Variants in ATP9A observed in about 807,000 individuals in gnomAD.
The protein encoded by ATP9A is ATPase phospholipid transporting 9A, also known as probable phospholipid-transporting ATPase IIA.
Under a neutral mutation model 144.1 loss-of-function variants are expected in ATP9A, and 52 were observed. That is an observed-to-expected ratio of 0.36 (90% CI 0.29 to 0.45). The LOEUF is 0.45. Among genes scored for constraint, ATP9A ranks in the 20% least tolerant of loss-of-function variants. The pLI, the probability that ATP9A is intolerant of heterozygous loss-of-function variation, is 1.00. For missense variants in ATP9A, 947 were observed against 1,392.7 expected, an observed-to-expected ratio of 0.68 and a Z score of 5.09; for synonymous variants, 582 against 557.4, an observed-to-expected ratio of 1.04 and a Z score of -0.62.
At chr20:51,685,127 C>T (rs1192211708) in intron 9 of ATP9A, among the ~76,000 whole-genome samples, 3 of 152,066 alleles carry the variant, frequency 2.0e-5, no homozygotes, top group South Asian at 2.1e-4. Context: ...TGTTCAATGT[C>T]TATCACATGG....
rs571456813 is a variant in ATP9A, at chr20:51,685,070, T to C, written c.799+3994A>G. ...AATAAATAGTAAACATAAAGGAAGA[T>C]GTCTGCACAAATAATTTTTCTAAAG... On this transcript the variant is annotated intron_variant, in intron 9 of 27. Coordinates refer to ENST00000338821, the MANE Select transcript of ATP9A (RefSeq NM_006045.3). Among the ~76,000 whole-genome samples the C allele has an allele frequency of 5.3e-5, 8 of 150,638 alleles. No homozygotes were observed. In the South Asian group the frequency reaches 1.5e-3, roughly 28 times the overall value.
At chr20:51,632,965 A>T (rs575984611) in intron 15 of ATP9A, among the ~76,000 whole-genome samples, 51 of 152,208 alleles carry the variant, frequency 3.4e-4, no homozygotes, top group African/African-American at 1.2e-3. Flanking sequence ...TCTACTAAAA[A>T]ATGCAAAAAT....
At chr20:51,747,086 T>C (rs979820393) in intron 1 of ATP9A, among the ~76,000 whole-genome samples, 2 of 139,848 alleles carry the variant, frequency 1.4e-5, no homozygotes, top group Admixed American at 1.5e-4. Flanking sequence ...ACATCTAAGG[T>C]CTGGGTTTTT....
intron 3 of ATP9A, among the ~76,000 whole-genome samples, chr20:51,716,698 T>C (rs2077663385): frequency 6.6e-6 from 1 of 152,030 alleles, no homozygotes; most frequent in African/African-American, 2.4e-5. Flanking sequence ...AACATGTCAT[T>C]AGTGGCAGAA....
At chr20:51,602,170 G>T (rs111964821) in intron 27 of ATP9A, among the ~76,000 whole-genome samples, 2 of 152,094 alleles carry the variant, frequency 1.3e-5, no homozygotes, top group East Asian at 1.9e-4. Flanking sequence ...TGGAAGGTGG[G>T]GGGGGCGGGC....
intron 1 of ATP9A, among the ~76,000 whole-genome samples, chr20:51,753,419 C>G (rs1166646596): frequency 1.3e-5 from 2 of 151,360 alleles, no homozygotes; most frequent in African/African-American, 2.4e-5. Flanking sequence ...CCATTGCAAT[C>G]CAGCCTGGGC....
chr20:51,608,236 G>A (rs1308929042), intron 25 of ATP9A, among the ~76,000 whole-genome samples: 3 of 152,148 alleles, frequency 2.0e-5, no homozygotes, highest in African/African-American at 7.2e-5. Flanking sequence ...AAGCGGAACT[G>A]TCAGGGGCTT....
At chr20:51,757,760 G>T (rs1317836396) in intron 1 of ATP9A, among the ~76,000 whole-genome samples, 1 of 152,074 alleles carries the variant, frequency 6.6e-6, no homozygotes, top group Non-Finnish European at 1.5e-5. Flanking sequence ...ACAAAAATTA[G>T]CCAGGTATGG....
At chr20:51,619,485 C>A (rs1021523673) in intron 19 of ATP9A, among the ~76,000 whole-genome samples, 2 of 149,794 alleles carry the variant, frequency 1.3e-5, no homozygotes, top group East Asian at 3.9e-4. Context: ...ATCACTTGAA[C>A]CCAGGAGGCA....
At position 51,671,215 on chromosome 20, in the gene ATP9A, C is replaced by T; in HGVS notation, c.1080G>A (p.Trp360Ter). Residue 360 changes from tryptophan to a stop codon, truncating the protein, a stop_gained, in exon 12 of 28, where the codon TGG (tryptophan) becomes TGA (stop). Transcript: ENST00000338821. LOFTEE classifies it high-confidence loss of function. ...NLDMGKIVYS[W>*]VIRRDSKIPG... ...GGATTTTCGAGTCCCTTCGAATCAC[C>T]CAGCTGTACACGATCTTGCCCATGT... 1 of 1,614,140 alleles carries T rather than the reference C, an allele frequency of 6.2e-7. No individual in the cohort carries two copies. The highest frequency in any genetic ancestry group is 8.5e-7 in the Non-Finnish European group (1 of 1,180,014).
intron 13 of ATP9A, among the ~76,000 whole-genome samples, chr20:51,661,333 A>G (rs984381861): frequency 6.6e-6 from 1 of 151,832 alleles, no homozygotes; most frequent in African/African-American, 2.4e-5. Context: ...CTATTAATGG[A>G]TATTAGGAAT....
intron 4 of ATP9A, among the ~76,000 whole-genome samples, chr20:51,707,543 T>G (rs539569496): frequency 6.6e-6 from 1 of 152,276 alleles, no homozygotes; most frequent in East Asian, 1.9e-4. Flanking sequence ...TTTTCCCTGA[T>G]GTAGATTCAT....
chr20:51,672,457 G>A (rs561201201), intron 11 of ATP9A, among the ~76,000 whole-genome samples: 2 of 152,136 alleles, frequency 1.3e-5, no homozygotes, highest in East Asian at 1.9e-4. Flanking sequence ...AGGCTACCAC[G>A]TCACTTAGAT....
chr20:51,671,387 G>T, intron 11 of ATP9A, 130 bp from the exon 12 acceptor site: 1 of 1,002,122 alleles, frequency 1.0e-6, no homozygotes. Flanking sequence ...CACACTGCCA[G>T]AGCTGAACGC....
intron 9 of ATP9A, among the ~76,000 whole-genome samples, chr20:51,678,878 G>C (rs1170130232): frequency 6.6e-6 from 1 of 152,180 alleles, no homozygotes; most frequent in Admixed American, 6.5e-5. Flanking sequence ...CACAGGCTCT[G>C]CCTCCACAAG....
At chr20:51,634,748 G>A (rs141590824) in intron 15 of ATP9A, among the ~76,000 whole-genome samples, 1,663 of 151,590 alleles carry the variant, frequency 0.011, 22 homozygotes, top group African/African-American at 0.038. Flanking sequence ...CCAGCTACTC[G>A]GGAGGCTGGG....
At chr20:51,670,554 C>T (rs2077451698) in intron 12 of ATP9A, among the ~76,000 whole-genome samples, 1 of 152,180 alleles carries the variant, frequency 6.6e-6, no homozygotes, top group Admixed American at 6.5e-5. Context: ...GCTCTCCTTC[C>T]AGAAACCTCA....
At chr20:51,667,099 T>A (rs2077436173) in intron 13 of ATP9A, among the ~76,000 whole-genome samples, 1 of 152,208 alleles carries the variant, frequency 6.6e-6, no homozygotes, top group African/African-American at 2.4e-5. Flanking sequence ...AAGGCCGGGA[T>A]GGGCAAACTG....
chr20:51,735,133 G>A (rs1325988091), intron 1 of ATP9A: 1 of 157,154 alleles, frequency 6.4e-6, no homozygotes, highest in African/African-American at 2.4e-5. Flanking sequence ...GTCTGCATGG[G>A]GTTGGTATCT....
Sources: gnomAD v4.1 joint callset for allele counts (sites outside exome capture counted in the v4.1 genomes callset) on GRCh38, gnomAD v4.1.1 for gene constraint, MANE v1.5 for transcripts, NCBI Gene and HGNC (gene_info 2026-07-23, HGNC 2026-07-21) for gene names.